Variants in GET1 observed in about 807,000 individuals in gnomAD.
GET1 encodes guided entry of tail-anchored proteins factor 1, also known as congenital heart disease 5 protein.
In GET1, 20 loss-of-function variants were observed where a neutral mutation model predicts 22.6. The observed-to-expected ratio is 0.89, with a 90% confidence interval of 0.62 to 1.29. The LOEUF is 1.29. GET1 is among the 50% of genes most tolerant of loss of function. GET1 has a pLI of 0.00. For synonymous variants in GET1, 92 were observed against 83.8 expected (o/e 1.10, Z -0.53); for missense variants, 209 against 219.9 (o/e 0.95, Z 0.31).
At chr21:39,411,446 C>G (rs2040070821), downstream of GET1, among the ~76,000 whole-genome samples, 1 of 152,152 alleles carries the variant, frequency 6.6e-6, no homozygotes, top group Non-Finnish European at 1.5e-5. Context: ...CACTTTTTGG[C>G]AGACATTTTG....
At chr21:39,387,983 A>T (rs1385323655) in intron 1 of GET1, 1 of 449,408 alleles carries the variant, frequency 2.2e-6, no homozygotes, top group East Asian at 1.5e-4. Flanking sequence ...TGTGCAGAAA[A>T]GTTATATACA....
At chr21:39,416,047 C>A (rs1210611191) in intron 1 of GET1, among the ~76,000 whole-genome samples, 1 of 152,132 alleles carries the variant, frequency 6.6e-6, no homozygotes, top group African/African-American at 2.4e-5. Context: ...TTAGGAGTTT[C>A]CAAAATAGTG....
At chr21:39,423,993 A>T (rs2147763750) in intron 1 of GET1, among the ~76,000 whole-genome samples, 1 of 152,220 alleles carries the variant, frequency 6.6e-6, no homozygotes, top group African/African-American at 2.4e-5. Flanking sequence ...CCATCTCTAA[A>T]AAACAATTTT....
chr21:39,410,947 C>T (rs1440646948), downstream of GET1: 1 of 470,732 alleles, frequency 2.1e-6, no homozygotes, highest in Admixed American at 2.3e-5. Context: ...GGTGAGTATT[C>T]CTATGGTACT....
chr21:39,396,963 A>T lies in GET1; in HGVS notation c.*24A>T. ...GAACAGGAGGATGGATACAGCCGCGAGGCTAAAAAACGGATTTCCTCTTCC... is the reference window on the plus strand; with the variant it reads ...GAACAGGAGGATGGATACAGCCGCGTGGCTAAAAAACGGATTTCCTCTTCC... On this transcript the variant is annotated 3_prime_UTR_variant, in exon 5 of 5. Transcript: ENST00000649170. 1.2e-6 allele frequency: 2 copies of T among 1,612,698 alleles called. No individual in the cohort carries two copies. The highest frequency in any genetic ancestry group is 1.7e-5 in the Admixed American group (1 of 59,742).
intron 1 of GET1, among the ~76,000 whole-genome samples, chr21:39,425,387 T>A (rs1252810117): frequency 6.6e-6 from 1 of 152,222 alleles, no homozygotes; most frequent in African/African-American, 2.4e-5. Flanking sequence ...AAAGAACTCA[T>A]AGATTATACA....
At chr21:39,388,803 C>T (rs2038097977) in intron 1 of GET1, among the ~76,000 whole-genome samples, 2 of 152,204 alleles carry the variant, frequency 1.3e-5, no homozygotes, top group African/African-American at 2.4e-5. Context: ...TCTCCCATCC[C>T]GGTGCCGTGG....
chr21:39,382,798 T>G (rs1472513032), intron 1 of GET1, among the ~76,000 whole-genome samples: 1 of 152,232 alleles, frequency 6.6e-6, no homozygotes, highest in Non-Finnish European at 1.5e-5. Flanking sequence ...TCTATGGTAA[T>G]TCTATGTTGA....
At chr21:39,411,674 A>G in intron 1 of GET1, 8 of 979,868 alleles carry the variant, frequency 8.2e-6, no homozygotes, top group Non-Finnish European at 1.2e-5. Flanking sequence ...AAATCTGACT[A>G]GATACTTAAA....
intron 1 of GET1, 66 bp downstream of exon 1, chr21:39,380,552 C>G: frequency 6.4e-7 from 1 of 1,561,900 alleles, no homozygotes. Flanking sequence ...GCGGGTCTGG[C>G]GTAGGTACAG....
intron 1 of GET1, chr21:39,387,705 T>C: frequency 1.8e-6 from 1 of 568,860 alleles, no homozygotes; most frequent in Non-Finnish European, 2.2e-6. Context: ...CCCCCCCACT[T>C]TTGCCTCATC....
intron 1 of GET1, chr21:39,411,858 A>T: frequency 1.0e-6 from 1 of 999,698 alleles, no homozygotes; most frequent in Non-Finnish European, 1.5e-6. Flanking sequence ...GTCAACCCTG[A>T]TTTCTTTTAA....
At chr21:39,393,391 G>C in intron 4 of GET1, 111 bp downstream of exon 4, 5 of 847,388 alleles carry the variant, frequency 5.9e-6, no homozygotes, top group Non-Finnish European at 9.3e-6. Context: ...TTTAGTGAGC[G>C]GGGTTTTGTG....
At chr21:39,426,240 G>T (rs543372389) in intron 1 of GET1, among the ~76,000 whole-genome samples, 1 of 152,196 alleles carries the variant, frequency 6.6e-6, no homozygotes, top group Non-Finnish European at 1.5e-5. Context: ...CATTTGAGGG[G>T]TATGTAACAA....
At chr21:39,405,202 G>A (rs1408579160) in intron 4 of GET1, among the ~76,000 whole-genome samples, 2 of 151,684 alleles carry the variant, frequency 1.3e-5, no homozygotes, top group Non-Finnish European at 2.9e-5. Context: ...GCCACATTTT[G>A]TTTTTATTTT....
At chr21:39,428,294 T>C in exon 2 of GET1, 1 of 1,612,090 alleles carries the variant, frequency 6.2e-7, no homozygotes, top group Non-Finnish European at 8.5e-7. Context: ...GTCTTCTGAA[T>C]AATCATACTG....
At chr21:39,416,306 A>G (rs556587732) in intron 1 of GET1, among the ~76,000 whole-genome samples, 4 of 152,308 alleles carry the variant, frequency 2.6e-5, no homozygotes, top group South Asian at 2.1e-4. Context: ...GATTCATTTG[A>G]TAAGTTTTAA....
At chr21:39,391,687 G>A (rs2038307232) in intron 2 of GET1, 82 bp from the exon 3 acceptor site, 1 of 1,326,606 alleles carries the variant, frequency 7.5e-7, no homozygotes. Flanking sequence ...GTATTATAAG[G>A]GAAAATAACA....
At position 39,397,682 on chromosome 21, in the gene GET1, C is replaced by T. The variant is rs1004385580; in HGVS notation, c.*743C>T. The T allele has an allele frequency of 3.8e-5, 3 of 79,868 alleles. No individual in the cohort carries two copies. Among genetic ancestry groups the T allele is most frequent in the African/African-American group, 1.2e-4 (3 of 25,762 alleles). The allele number at this position is 79,868 out of a possible 1,614,324, so 4.9% of individuals were successfully genotyped here. A position where few individuals can be genotyped will look rare whatever the true frequency, so the allele number is the denominator to read the frequency against. On this transcript the variant is annotated 3_prime_UTR_variant, in exon 5 of 5. Transcript: ENST00000649170. ...AACACAGAAAACAAACCTTATAAGTCCTGATTAATCTGAACCAATAACCTG... is the reference window on the plus strand; with the variant it reads ...AACACAGAAAACAAACCTTATAAGTTCTGATTAATCTGAACCAATAACCTG...
Sources: allele counts gnomAD v4.1 joint callset (sites outside exome capture counted in the v4.1 genomes callset), GRCh38; gene constraint gnomAD v4.1.1; transcripts MANE v1.5; gene names NCBI Gene and HGNC (gene_info 2026-07-23, HGNC 2026-07-21).